RUNX1: variants seen among roughly 807,000 people sequenced by gnomAD.
RUNX1 encodes the protein RUNX family transcription factor 1.
A neutral mutation model predicts 42.8 loss-of-function variants in RUNX1; 19 were observed. The ratio of observed to expected loss-of-function variants is 0.44; its 90% confidence interval spans 0.31 to 0.65. RUNX1 has a LOEUF of 0.65. Ranked by LOEUF, RUNX1 falls within the 30% of genes least tolerant of loss-of-function variation. The probability of loss-of-function intolerance (pLI) is 0.07; values close to 1 mark genes in which losing one functional copy is unlikely to be tolerated. For missense variants in RUNX1, 528 were observed against 672.0 expected (o/e 0.79, Z 2.37); for synonymous variants, 271 against 289.4 (o/e 0.94, Z 0.64).
chr21:35,000,212 A>ACG (rs1389019923), intron 2 of RUNX1, among the ~76,000 whole-genome samples: 4 of 150,470 alleles, frequency 2.7e-5, no homozygotes, highest in African/African-American at 9.8e-5. Flanking sequence ...TAGAGGGAAG[A>ACG]CGATCATATA....
intron 2 of RUNX1, among the ~76,000 whole-genome samples, chr21:34,920,279 T>C (rs1275040926): frequency 6.6e-6 from 1 of 152,188 alleles, no homozygotes; most frequent in Non-Finnish European, 1.5e-5. Flanking sequence ...CCAAGGTCTT[T>C]CCCAAAACCC....
intron 7 of RUNX1, among the ~76,000 whole-genome samples, chr21:34,814,743 C>T (rs374086377): frequency 5.9e-5 from 9 of 152,226 alleles, no homozygotes; most frequent in African/African-American, 2.2e-4. Flanking sequence ...CAGTTGCCTC[C>T]GTCTTTTCCA....
At chr21:34,859,130 G>A (rs980425294) in intron 6 of RUNX1, among the ~76,000 whole-genome samples, 2 of 152,170 alleles carry the variant, frequency 1.3e-5, no homozygotes, top group Non-Finnish European at 2.9e-5. Context: ...CTCTGTGCCT[G>A]GCCAATCTTC....
chr21:34,882,991 A>C (rs186667406), intron 4 of RUNX1, among the ~76,000 whole-genome samples: 1 of 152,224 alleles, frequency 6.6e-6, no homozygotes, highest in Non-Finnish European at 1.5e-5. Flanking sequence ...GGTGAAAATA[A>C]ATAAATCTTC....
chr21:35,028,430 C>T (rs551457121), intron 2 of RUNX1, among the ~76,000 whole-genome samples: 1 of 152,270 alleles, frequency 6.6e-6, no homozygotes, highest in African/African-American at 2.4e-5. Context: ...TCCTCACTGC[C>T]CTCTGAGCAC....
At chr21:34,811,807 C>G (rs137922068) in intron 7 of RUNX1, among the ~76,000 whole-genome samples, 91 of 152,274 alleles carry the variant, frequency 6.0e-4, no homozygotes, top group African/African-American at 2.0e-3. Flanking sequence ...TGAGAGATGG[C>G]AGGACAGGCA....
At chr21:35,048,458 C>T (rs950682632) in intron 2 of RUNX1, among the ~76,000 whole-genome samples, 3 of 152,130 alleles carry the variant, frequency 2.0e-5, no homozygotes, top group Non-Finnish European at 4.4e-5. Flanking sequence ...CACAGCATGC[C>T]GAGTTAAGGA....
In RUNX1 at chr21:34,897,556, T is replaced by C. The variant is rs534296294; in HGVS notation, c.59-4593A>G. Among the ~76,000 whole-genome samples, 8 of 152,348 alleles carry C rather than the reference T, an allele frequency of 5.3e-5. No individual in the cohort carries two copies. The East Asian group carries it at 1.5e-3, about 29-fold the overall frequency. On this transcript the variant is annotated intron_variant, in intron 2 of 8. Coordinates refer to ENST00000675419, the MANE Select transcript of RUNX1 (RefSeq NM_001754.5). ...CACATCTCCTATGTGACTTGAATTA[T>C]AATATATTTTGGGTTATAGCTATTT...
rs115316525 is a variant in RUNX1 at position 34,843,365 on chromosome 21, C to T, written c.614-8764G>A. Among the ~76,000 whole-genome samples, 840 of 152,252 alleles carry T rather than the reference C, an allele frequency of 5.5e-3. 5 individuals carry two copies. Among genetic ancestry groups the T allele is most frequent in the African/African-American group, 0.019 (806 of 41,528 alleles). On this transcript the variant is annotated intron_variant, in intron 6 of 8. Transcript: ENST00000675419. The surrounding 1 kb of genome is among the most constrained non-coding windows in gnomAD (Gnocchi z 4.8). ...ACAGACACATATATACAGACGCACA[C>T]ACACATATACATATATCACACAGGG...
chr21:34,797,388 A>G (rs2056544969), intron 8 of RUNX1, among the ~76,000 whole-genome samples: 2 of 152,164 alleles, frequency 1.3e-5, no homozygotes, highest in African/African-American at 2.4e-5. Context: ...TTTTATTTAA[A>G]AAGTCACCCT....
chr21:34,834,042 T>C, intron 7 of RUNX1: 1 of 421,496 alleles, frequency 2.4e-6, no homozygotes, highest in Non-Finnish European at 4.6e-6. Context: ...TGTGTCTGCG[T>C]GTGTGTCTTC....
intron 2 of RUNX1, among the ~76,000 whole-genome samples, chr21:35,047,551 ACACACACACACTCTCTCT>A (rs1476342321): frequency 1.5e-3 from 145 of 95,404 alleles, no homozygotes; most frequent in African/African-American, 7.3e-3. Flanking sequence ...ACACACACAC[ACACACACACACTCTCTCT>A]CTCTCTCTCT....
intron 2 of RUNX1, among the ~76,000 whole-genome samples, chr21:34,934,955 T>C (rs28520273): frequency 0.074 from 11,210 of 152,190 alleles, 576 homozygotes; most frequent in African/African-American, 0.13. Flanking sequence ...TTCCCCATAT[T>C]CATTTTCCCT....
At chr21:34,888,175 T>A (rs538658822) in intron 3 of RUNX1, 1 of 1,066,408 alleles carries the variant, frequency 9.4e-7, no homozygotes, top group South Asian at 4.5e-5. Context: ...GAGACGATAC[T>A]CCTCCACCGT....
At chr21:34,827,450 T>C (rs2057003813) in intron 7 of RUNX1, among the ~76,000 whole-genome samples, 1 of 152,212 alleles carries the variant, frequency 6.6e-6, no homozygotes, top group Non-Finnish European at 1.5e-5. Context: ...ACTAAGGGTG[T>C]GGCCAAGCAA....
chr21:34,840,227 T>G (rs183233017), intron 6 of RUNX1, among the ~76,000 whole-genome samples: 1 of 152,318 alleles, frequency 6.6e-6, no homozygotes, highest in East Asian at 1.9e-4. Context: ...CTTTATTCCG[T>G]TCCACAAATG....
At position 34,907,322 on chromosome 21, in the gene RUNX1, T is replaced by C. The variant is rs568697008; in HGVS notation, c.59-14359A>G. 6.6e-6 allele frequency among the ~76,000 whole-genome samples: 1 copy of C among 152,270 alleles called. No individual in the cohort carries two copies. The highest frequency in any genetic ancestry group is 2.1e-4 in the South Asian group (1 of 4,828). ...TTTCTAAACAGTGACTTCTAAACAA[T>C]AGGTTGTGACCCATAGATTGGTTGT... is the stretch of plus-strand genomic sequence containing the variant. On this transcript the variant is annotated intron_variant, in intron 2 of 8. Coordinates refer to ENST00000675419, the MANE Select transcript of RUNX1 (RefSeq NM_001754.5). The surrounding 1 kb of genome is among the most constrained non-coding windows in gnomAD (Gnocchi z 5.3).
chr21:35,021,111 T>C (rs974441847), intron 2 of RUNX1, among the ~76,000 whole-genome samples: 12 of 152,204 alleles, frequency 7.9e-5, no homozygotes, highest in African/African-American at 2.4e-4. Context: ...TGGAGTATGC[T>C]CATTCCCCAT....
chr21:34,882,003 ACAT>A (rs1407974608), intron 4 of RUNX1, among the ~76,000 whole-genome samples: 1 of 152,210 alleles, frequency 6.6e-6, no homozygotes, highest in African/African-American at 2.4e-5. Flanking sequence ...CATTCCAATT[ACAT>A]CATCATTTTT....
Sources: allele counts gnomAD v4.1 joint callset (sites outside exome capture counted in the v4.1 genomes callset), GRCh38; gene constraint gnomAD v4.1.1; non-coding constraint Gnocchi (gnomAD v3.1); transcripts MANE v1.5; gene names NCBI Gene and HGNC (gene_info 2026-07-23, HGNC 2026-07-21).